The following PLXNA4 variants were observed in gnomAD, a reference collection of about 807,000 sequenced individuals.
The protein encoded by PLXNA4 is plexin A4.
A neutral mutation model predicts 191.8 loss-of-function variants in PLXNA4; 44 were observed. The ratio of observed to expected loss-of-function variants is 0.23; its 90% CI spans 0.18 to 0.29. The LOEUF (loss-of-function observed/expected upper bound fraction) is 0.29. Among genes scored for constraint, PLXNA4 ranks in the 10% least tolerant of loss-of-function variants. The probability of loss-of-function intolerance (pLI) is 1.00; values close to 1 mark genes in which losing one functional copy is unlikely to be tolerated. For missense variants in PLXNA4, 1,800 were observed against 2,488.8 expected (o/e 0.72, Z 5.89); for synonymous variants, 1,082 against 1,009.5 (o/e 1.07, Z -1.36).
intron 3 of PLXNA4, among the ~76,000 whole-genome samples, chr7:132,430,901 G>A (rs113399398): frequency 5.9e-5 from 9 of 152,188 alleles, no homozygotes; most frequent in Non-Finnish European, 7.4e-5. Flanking sequence ...CAGCAGCCTC[G>A]GCCACACCGC....
intron 3 of PLXNA4, among the ~76,000 whole-genome samples, chr7:132,376,822 C>T (rs1488762643): frequency 6.6e-6 from 1 of 152,208 alleles, no homozygotes; most frequent in Admixed American, 6.5e-5. Context: ...CCTGCCTGGC[C>T]CCACCTGCAC....
Position 132,168,443 on chromosome 7 carries a change from G to C in PLXNA4, c.4147C>G (p.Arg1383Gly). Residue 1383 changes from arginine (R) to glycine (G), a missense_variant, in exon 22 of 32, where the codon CGT (arginine) becomes GGT (glycine). Around this residue, in one of 6 missense-constraint regions of PLXNA4, gnomAD observed 1,397 missense variants for 1,880.4 expected, o/e 0.74. Coordinates refer to ENST00000321063, the MANE Select transcript of PLXNA4 (RefSeq NM_020911.2). The stretch of plus-strand genomic sequence containing the variant: ...ATGATGAGTGAGGCCACGTTGCCAC[G>C]GTCGCGCATGGAGAAGCTACGCTGG... ...ESQRSFSMRD[R>G]GNVASLIMTV... is the part of the protein sequence containing the mutation. 6.2e-7 allele frequency: 1 copy of C among 1,614,066 alleles called. No individual in the cohort carries two copies. The highest frequency in any genetic ancestry group is 8.5e-7 in the Non-Finnish European group (1 of 1,179,938).
intron 2 of PLXNA4, among the ~76,000 whole-genome samples, chr7:132,629,385 G>A (rs914372552): frequency 6.6e-6 from 1 of 152,184 alleles, no homozygotes. Flanking sequence ...CTTGTAAAGG[G>A]CATCTGGTAG....
chr7:132,409,803 G>A (rs943601435), intron 3 of PLXNA4, among the ~76,000 whole-genome samples: 2 of 152,116 alleles, frequency 1.3e-5, no homozygotes, highest in Non-Finnish European at 1.5e-5. Flanking sequence ...GTAAATTACC[G>A]TCACCTGCGG....
At chr7:132,393,263 G>A (rs1793595971) in intron 3 of PLXNA4, among the ~76,000 whole-genome samples, 1 of 126,694 alleles carries the variant, frequency 7.9e-6, no homozygotes, top group African/African-American at 3.0e-5. Context: ...CCCATTCTAG[G>A]CTCCTACAGA....
chr7:132,523,735 G>C (rs1003528111), intron 1 of PLXNA4, among the ~76,000 whole-genome samples: 1 of 152,164 alleles, frequency 6.6e-6, no homozygotes, highest in African/African-American at 2.4e-5. Flanking sequence ...GTCAGAAAGC[G>C]AGACTGGTTG....
intron 22 of PLXNA4, among the ~76,000 whole-genome samples, chr7:132,165,953 C>A (rs537983953): frequency 6.6e-6 from 1 of 152,146 alleles, no homozygotes; most frequent in Non-Finnish European, 1.5e-5. Context: ...AATCCCAGCA[C>A]TTTAGGAGGC....
At chr7:132,201,296 G>T (rs1316187953) in intron 12 of PLXNA4, among the ~76,000 whole-genome samples, 4 of 152,122 alleles carry the variant, frequency 2.6e-5, no homozygotes. Context: ...CGTGCAAGCT[G>T]CCTAGTCTGC....
chr7:132,272,611 T>TAGTATGATACTAGGATAC (rs1800119006), intron 4 of PLXNA4, among the ~76,000 whole-genome samples: 1 of 152,246 alleles, frequency 6.6e-6, no homozygotes, highest in Admixed American at 6.5e-5. Context: ...GGGGTTCTTT[T>TAGTATGATACTAGGATAC]AGTATGATAC....
intron 3 of PLXNA4, among the ~76,000 whole-genome samples, chr7:132,439,444 CACA>C (rs1795602056): frequency 6.6e-6 from 1 of 152,246 alleles, no homozygotes; most frequent in East Asian, 1.9e-4. Context: ...TATACAAATA[CACA>C]ATATATCCAT....
rs1794812355 is a variant in PLXNA4 at position 132,127,838 on chromosome 7, TATAAC to T, written c.*2636_*2640del. On this transcript the variant is annotated 3_prime_UTR_variant, in exon 32 of 32. Transcript: ENST00000321063. Reference sequence around the variant, plus strand: ...TCTCTGAGGTGTTTGAAATTTTTCTTATAACAAAAACATGGAATAAAATAAAGTCC... The same window carrying T: ...TCTCTGAGGTGTTTGAAATTTTTCTTAAAAACATGGAATAAAATAAAGTCC... 1 of 149,440 alleles carries T rather than the reference TATAAC, an allele frequency of 6.7e-6. No homozygotes were observed. Among genetic ancestry groups the T allele is most frequent in the Non-Finnish European group, 1.5e-5 (1 of 66,336 alleles). The allele number at this position is 149,440 out of a possible 1,614,324, so 9.3% of individuals were successfully genotyped here.
intron 2 of PLXNA4, among the ~76,000 whole-genome samples, chr7:132,640,891 A>G (rs1162650149): frequency 1.3e-5 from 2 of 152,196 alleles, no homozygotes; most frequent in Non-Finnish European, 2.9e-5. Context: ...TTGCTCTTAT[A>G]CAGGCAAAAA....
chr7:132,282,540 G>T (rs1386620794), intron 4 of PLXNA4, among the ~76,000 whole-genome samples: 1 of 142,848 alleles, frequency 7.0e-6, no homozygotes, highest in Non-Finnish European at 1.5e-5. Context: ...GGCAGAAGTT[G>T]CAGTGAGCCA....
At chr7:132,593,575 C>CA (rs1802645262) in intron 2 of PLXNA4, among the ~76,000 whole-genome samples, 1 of 152,230 alleles carries the variant, frequency 6.6e-6, no homozygotes, top group African/African-American at 2.4e-5. Flanking sequence ...GGCCACCCTA[C>CA]AGGACAGGTG....
In PLXNA4 at chr7:132,532,310, G is replaced by A. The variant is rs536764394; in HGVS notation, c.-86-23531C>T. ...ACAGTGGAATCTAAAACCTGACCAT[G>A]CTTCAGAATCACTTGGTGGCCTTTT... On this transcript the variant is annotated intron_variant, in intron 1 of 31. Transcript: ENST00000321063. 7.9e-4 allele frequency among the ~76,000 whole-genome samples: 120 copies of A among 152,312 alleles called. 1 individual carries two copies. Among genetic ancestry groups the A allele is most frequent in the Non-Finnish European group, 1.6e-4 (11 of 68,022 alleles).
At chr7:132,556,259 A>G (rs1277567937) in intron 1 of PLXNA4, among the ~76,000 whole-genome samples, 1 of 152,204 alleles carries the variant, frequency 6.6e-6, no homozygotes, top group Non-Finnish European at 1.5e-5. Flanking sequence ...CTGCTGCTGC[A>G]TGCCCCTCGT....
chr7:132,255,255 C>T (rs1799394635), intron 4 of PLXNA4, among the ~76,000 whole-genome samples: 1 of 152,190 alleles, frequency 6.6e-6, no homozygotes. Context: ...GCTGCTGGGA[C>T]CTGGGCTGTG....
chr7:132,381,359 G>T, intron 3 of PLXNA4, among the ~76,000 whole-genome samples: 1 of 152,334 alleles, frequency 6.6e-6, no homozygotes, highest in African/African-American at 2.4e-5. Context: ...ACTTGAGACA[G>T]TGTCCTACAA....
chr7:132,174,519 C>T (rs138925104), intron 21 of PLXNA4, among the ~76,000 whole-genome samples: 14 of 152,272 alleles, frequency 9.2e-5, no homozygotes, highest in African/African-American at 2.9e-4. Flanking sequence ...AGAGGGTCAT[C>T]AACTACTTCC....
Sources: allele counts gnomAD v4.1 joint callset (sites outside exome capture counted in the v4.1 genomes callset), GRCh38; gene constraint gnomAD v4.1.1; regional missense constraint gnomAD v4.1.1; transcripts MANE v1.5; gene names NCBI Gene and HGNC (gene_info 2026-07-23, HGNC 2026-07-21).